The following UGP2 variants were observed in gnomAD, a reference collection of about 807,000 sequenced individuals.
The protein encoded by UGP2 is UTP--glucose-1-phosphate uridylyltransferase.
In UGP2, 40 loss-of-function variants were observed where a neutral mutation model predicts 49.0. That is an observed-to-expected ratio of 0.82 (90% CI 0.63 to 1.06). The LOEUF (loss-of-function observed/expected upper bound fraction) is 1.06, where lower values mean the gene tolerates loss of function less well. Among genes scored for constraint, UGP2 ranks in the 50% least tolerant of loss-of-function variants. The probability of loss-of-function intolerance (pLI) is 0.00; values close to 1 mark genes in which losing one functional copy is unlikely to be tolerated. For synonymous variants in UGP2, 225 were observed against 213.0 expected, an observed-to-expected ratio of 1.06 and a Z score of -0.49; for missense variants, 460 against 603.5, an observed-to-expected ratio of 0.76 and a Z score of 2.49.
intron 1 of UGP2, among the ~76,000 whole-genome samples, chr2:63,846,874 T>G (rs1671970456): frequency 6.6e-6 from 1 of 152,230 alleles, no homozygotes; most frequent in East Asian, 1.9e-4. Context: ...ACCCCTCATT[T>G]TTTAAAGATC....
intron 1 of UGP2, among the ~76,000 whole-genome samples, chr2:63,851,207 C>A (rs760071956): frequency 3.9e-5 from 6 of 152,098 alleles, no homozygotes; most frequent in African/African-American, 1.4e-4. Flanking sequence ...AATTTAAGTC[C>A]TGATCTACAG....
intron 3 of UGP2, among the ~76,000 whole-genome samples, chr2:63,862,189 TAC>T (rs894123091): frequency 1.3e-5 from 2 of 152,048 alleles, no homozygotes; most frequent in Non-Finnish European, 2.9e-5. Context: ...TATGTGGAGA[TAC>T]ACACACAAAT....
At chr2:63,843,693 A>G (rs1671735257) in intron 1 of UGP2, among the ~76,000 whole-genome samples, 1 of 152,202 alleles carries the variant, frequency 6.6e-6, no homozygotes, top group Non-Finnish European at 1.5e-5. Flanking sequence ...TTTGTCATCC[A>G]CTTTTTTTAA....
At chr2:63,864,756 T>C (rs1191672061) in intron 3 of UGP2, among the ~76,000 whole-genome samples, 1 of 152,196 alleles carries the variant, frequency 6.6e-6, no homozygotes, top group Non-Finnish European at 1.5e-5. Context: ...CATCTTTGGG[T>C]AGAGTAGAGC....
chr2:63,860,466 T>G (rs1158318581), intron 3 of UGP2, among the ~76,000 whole-genome samples: 3 of 152,250 alleles, frequency 2.0e-5, no homozygotes, highest in African/African-American at 7.2e-5. Flanking sequence ...TCTAGCCTAT[T>G]TACTGACCCC....
intron 1 of UGP2, among the ~76,000 whole-genome samples, chr2:63,846,407 T>C (rs1382463565): frequency 6.6e-6 from 1 of 151,192 alleles, no homozygotes; most frequent in Non-Finnish European, 1.5e-5. Context: ...AAGGCTATAA[T>C]GGATGCTAAT....
intron 8 of UGP2, chr2:63,889,817 T>TAAAA (rs35619911): frequency 5.0e-4 from 119 of 237,684 alleles, no homozygotes; most frequent in Non-Finnish European, 7.1e-4. Context: ...TGATTATCTT[T>TAAAA]AAAAAAAAAA....
chr2:63,890,623 C>T (rs1672057080), intron 9 of UGP2, among the ~76,000 whole-genome samples: 1 of 152,086 alleles, frequency 6.6e-6, no homozygotes, highest in Non-Finnish European at 1.5e-5. Context: ...TCATATACTC[C>T]TCCCATTAAA....
chr2:63,882,111 T>G lies in UGP2; in HGVS notation c.256-355T>G, dbSNP rs1464567844. ...TTTAGACTTGATGATTCTAAATAAATGACTTGATCATTTGCTATGTTGATG... is the reference window on the plus strand; with the variant it reads ...TTTAGACTTGATGATTCTAAATAAAGGACTTGATCATTTGCTATGTTGATG... On this transcript the variant is annotated intron_variant, in intron 3 of 9. Transcript: ENST00000337130. 4.6e-5 allele frequency among the ~76,000 whole-genome samples: 7 copies of G among 152,336 alleles called. No individual in the cohort carries two copies. In the South Asian group the frequency reaches 1.4e-3, roughly 32 times the overall value.
At position 63,886,394 on chromosome 2, in the gene UGP2, A is replaced by G. The variant is rs778430162; in HGVS notation, c.927A>G (p.Gln309=). ...EGKLRLVEIA[Q]VPKAHVDEFK... ...AACTGAGACTGGTGGAAATTGCTCAAGTGCCAAAAGCACATGTAGACGAGT... is the reference window on the plus strand; with the variant it reads ...AACTGAGACTGGTGGAAATTGCTCAGGTGCCAAAAGCACATGTAGACGAGT... The change falls in exon 7 of 10, where the codon CAA becomes CAG. Residue 309 remains glutamine (Q), a synonymous_variant. Transcript: ENST00000337130. The G allele has an allele frequency of 4.6e-5, 75 of 1,614,116 alleles. No homozygotes were observed. The highest frequency in any genetic ancestry group is 5.9e-5 in the Non-Finnish European group (70 of 1,180,040).
chr2:63,874,771 T>G (rs779527283), intron 3 of UGP2, among the ~76,000 whole-genome samples: 3 of 151,406 alleles, frequency 2.0e-5, no homozygotes, highest in Admixed American at 6.6e-5. Flanking sequence ...GAGAACTGAT[T>G]GTTTAAAAAA....
At chr2:63,879,879 C>G (rs1454716565) in intron 3 of UGP2, among the ~76,000 whole-genome samples, 1 of 152,088 alleles carries the variant, frequency 6.6e-6, no homozygotes, top group East Asian at 1.9e-4. Context: ...ATAGGTAAGA[C>G]TGTCTCTGAA....
intron 3 of UGP2, among the ~76,000 whole-genome samples, chr2:63,872,029 T>A (rs888407793): frequency 6.6e-6 from 1 of 152,248 alleles, no homozygotes; most frequent in African/African-American, 2.4e-5. Flanking sequence ...GTAGACTATA[T>A]GTAAACGAAT....
In UGP2 at chr2:63,852,021, TGTGACAGA is replaced by T. The variant is rs1386545993; in HGVS notation, c.20-4284_20-4277del. On this transcript the variant is annotated intron_variant, in intron 1 of 9. Transcript: ENST00000337130. ...TGAGGAACACCTTTCTCCAAAGTGCTGTGACAGATTATACCCTTATGGCTTACTGGCCA... is the reference window on the plus strand; with the variant it reads ...TGAGGAACACCTTTCTCCAAAGTGCTTTATACCCTTATGGCTTACTGGCCA... Among the ~76,000 whole-genome samples the T allele has an allele frequency of 2.6e-5, 4 of 152,202 alleles. No homozygotes were observed. The East Asian group carries it at 7.7e-4, about 29-fold the overall frequency.
At chr2:63,879,078 A>G (rs145961081) in intron 3 of UGP2, among the ~76,000 whole-genome samples, 1 of 152,306 alleles carries the variant, frequency 6.6e-6, no homozygotes, top group African/African-American at 2.4e-5. Context: ...AAATAGCTCA[A>G]AATTAAACAT....
Position 63,842,448 on chromosome 2 carries a change from C to G in UGP2, c.19+244C>G, listed in dbSNP as rs770101690. ...CCTCCCTGAAATCAGGTTAGTAGTACCGTCGCTTTCCTGGATAGTGGCTGT... is the reference window on the plus strand; with the variant it reads ...CCTCCCTGAAATCAGGTTAGTAGTAGCGTCGCTTTCCTGGATAGTGGCTGT... On this transcript the variant is annotated intron_variant, in intron 1 of 9. Transcript: ENST00000337130. The G allele has an allele frequency of 1.2e-5, 18 of 1,548,234 alleles. No individual in the cohort carries two copies. The East Asian group carries it at 3.6e-4, about 31-fold the overall frequency.
chr2:63,884,908 A>G (rs1671554493), intron 5 of UGP2, among the ~76,000 whole-genome samples: 1 of 151,430 alleles, frequency 6.6e-6, no homozygotes, highest in East Asian at 1.9e-4. Context: ...AAAATAAAAT[A>G]AAAATAAAAA....
At chr2:63,888,406 C>T (rs1477095913) in intron 8 of UGP2, 1 of 152,152 alleles carries the variant, frequency 6.6e-6, no homozygotes, top group Non-Finnish European at 1.5e-5. Flanking sequence ...TATTTCTGGT[C>T]ACAAAAATAT....
At chr2:63,879,960 T>G (rs1671179396) in intron 3 of UGP2, among the ~76,000 whole-genome samples, 1 of 152,208 alleles carries the variant, frequency 6.6e-6, no homozygotes, top group Non-Finnish European at 1.5e-5. Flanking sequence ...TTTCACATCC[T>G]TGTGAGACCT....
Sources: gnomAD v4.1 joint callset for allele counts (sites outside exome capture counted in the v4.1 genomes callset) on GRCh38, gnomAD v4.1.1 for gene constraint, MANE v1.5 for transcripts, NCBI Gene and HGNC (gene_info 2026-07-23, HGNC 2026-07-21) for gene names.